Variants in ZNF131 observed in about 807,000 individuals in gnomAD.
ZNF131 encodes zinc finger and BTB domain containing 35.
A neutral mutation model predicts 60.0 loss-of-function variants in ZNF131; 7 were observed. That is an observed-to-expected ratio of 0.12 (90% CI 0.07 to 0.22). The LOEUF is 0.22. ZNF131 is among the 10% of genes least tolerant of loss of function. The pLI, the probability that ZNF131 is intolerant of heterozygous loss-of-function variation, is 1.00. For missense variants in ZNF131, 493 were observed against 740.9 expected (o/e 0.67, Z 3.88); for synonymous variants, 257 against 253.2 (o/e 1.01, Z -0.14).
At chr5:43,121,909 C>A in intron 1 of ZNF131, 130 bp from the exon 2 acceptor site, 1 of 1,044,802 alleles carries the variant, frequency 9.6e-7, no homozygotes, top group African/African-American at 1.7e-5. Flanking sequence ...CCTCGCCTTT[C>A]TCTCCTCTTG....
chr5:43,174,355 C>A, intron 6 of ZNF131, 92 bp from the exon 7 acceptor site: 1 of 1,155,676 alleles, frequency 8.7e-7, no homozygotes, highest in Non-Finnish European at 1.2e-6. Context: ...CAGAATAAGC[C>A]TTCAATCTTT....
At chr5:43,121,982 G>A (rs1279420124) in intron 1 of ZNF131, 57 bp from the exon 2 acceptor site, 4 of 1,564,774 alleles carry the variant, frequency 2.6e-6, no homozygotes, top group Non-Finnish European at 3.5e-6. Flanking sequence ...ATGCTTTAGG[G>A]GTTTTGTTCC....
chr5:43,123,370 C>T, intron 3 of ZNF131, 60 bp downstream of exon 3: 11 of 1,412,710 alleles, frequency 7.8e-6, no homozygotes. Context: ...TATTTAAATG[C>T]TTGTTTTAAA....
chr5:43,174,930 A>G lies in ZNF131; in HGVS notation c.1669A>G (p.Thr557Ala), dbSNP rs1751411745. Residue 557 changes from threonine (T) to alanine (A), a missense_variant, in exon 7 of 7, where the codon ACT becomes GCT. By Grantham distance (58) the Thr-to-Ala change is moderately conservative. Coordinates refer to ENST00000682664, the MANE Select transcript of ZNF131 (RefSeq NM_001330707.2). ...RVNQMPVEVQ[T>A]ELLEADLDHV... is the part of the protein sequence containing the mutation. Reference sequence around the variant, plus strand: ...CAATCAAATGCCAGTGGAAGTACAAACTGAACTTCTAGAAGCAGATTTGGA... The same window carrying G: ...CAATCAAATGCCAGTGGAAGTACAAGCTGAACTTCTAGAAGCAGATTTGGA... 6.2e-7 allele frequency: 1 copy of G among 1,614,172 alleles called. No individual in the cohort carries two copies. The highest frequency in any genetic ancestry group is 8.5e-7 in the Non-Finnish European group (1 of 1,180,034).
At chr5:43,122,338 C>T (rs1292522051) in intron 2 of ZNF131, among the ~76,000 whole-genome samples, 161 bp downstream of exon 2, 127 of 148,930 alleles carry the variant, frequency 8.5e-4, no homozygotes, top group Non-Finnish European at 3.5e-4. Flanking sequence ...TTGCACTTGT[C>T]AGTGTCCACT....
chr5:43,147,712 C>T (rs1040313042), intron 4 of ZNF131, among the ~76,000 whole-genome samples: 4 of 149,466 alleles, frequency 2.7e-5, no homozygotes, highest in South Asian at 2.1e-4. Context: ...TGAGCCACCG[C>T]GCCCGGCCAG....
chr5:43,167,881 A>G (rs1320537043), intron 5 of ZNF131: 1 of 432,832 alleles, frequency 2.3e-6, no homozygotes, highest in Non-Finnish European at 4.6e-6. Context: ...GCTTATAACA[A>G]TACCTGAAAC....
intron 5 of ZNF131, among the ~76,000 whole-genome samples, chr5:43,162,969 C>CCTTTTTTTTTTT (rs1307807115): frequency 1.5e-5 from 1 of 64,908 alleles, no homozygotes; most frequent in African/African-American, 5.1e-5. Flanking sequence ...TTTTATTTGC[C>CCTTTTTTTTTTT]TTTTTTTTTT....
chr5:43,129,325 G>A (rs28394528), intron 3 of ZNF131, among the ~76,000 whole-genome samples: 8,984 of 152,100 alleles, frequency 0.059, 509 homozygotes, highest in African/African-American at 0.15. Flanking sequence ...TCCTGCCTTG[G>A]CCTCCCATAG....
rs554955476 is a variant in ZNF131 at position 43,158,481 on chromosome 5, G to A, written c.372-2768G>A. 9.9e-5 allele frequency among the ~76,000 whole-genome samples: 15 copies of A among 151,684 alleles called. No homozygotes were observed. In the East Asian group the frequency reaches 2.5e-3, roughly 25 times the overall value. The stretch of plus-strand genomic sequence containing the variant: ...ATTTTTGTATTTTTAGTAGAGATGG[G>A]GTTTCTCTATGTTGGTCAGGCTGGT... On this transcript the variant is annotated intron_variant, in intron 4 of 6. Coordinates refer to ENST00000682664, the MANE Select transcript of ZNF131 (RefSeq NM_001330707.2).
At chr5:43,151,606 T>C (rs1156254009) in intron 4 of ZNF131, among the ~76,000 whole-genome samples, 1 of 152,092 alleles carries the variant, frequency 6.6e-6, no homozygotes, top group Admixed American at 6.6e-5. Context: ...TGCTAATTTT[T>C]GTATTTTTGG....
At chr5:43,166,699 A>G (rs1197139244) in intron 5 of ZNF131, among the ~76,000 whole-genome samples, 5 of 151,416 alleles carry the variant, frequency 3.3e-5, no homozygotes. Flanking sequence ...TCTGTCGCCC[A>G]GACTGGAGTG....
intron 4 of ZNF131, chr5:43,143,313 GC>G: frequency 8.4e-7 from 1 of 1,188,704 alleles, no homozygotes; most frequent in South Asian, 3.0e-5. Flanking sequence ...GAGTCACTGC[GC>G]CCGGCCTCAA....
chr5:43,147,309 A>G (rs1747722670), intron 4 of ZNF131, among the ~76,000 whole-genome samples: 2 of 152,048 alleles, frequency 1.3e-5, no homozygotes, highest in Non-Finnish European at 2.9e-5. Flanking sequence ...CATTTCTCTT[A>G]GTAAACATCT....
At chr5:43,169,446 C>T (rs1213204203) in intron 5 of ZNF131, among the ~76,000 whole-genome samples, 16 of 152,188 alleles carry the variant, frequency 1.1e-4, no homozygotes, top group Admixed American at 1.0e-3. Context: ...TCTGATTTAT[C>T]AGATACATTC....
intron 3 of ZNF131, among the ~76,000 whole-genome samples, chr5:43,134,106 T>A (rs1745709490): frequency 6.6e-6 from 1 of 152,096 alleles, no homozygotes; most frequent in Non-Finnish European, 1.5e-5. Context: ...CCTTGATGAA[T>A]ATAGATGCAA....
At chr5:43,172,446 C>A (rs1751109192) in intron 5 of ZNF131, among the ~76,000 whole-genome samples, 1 of 152,148 alleles carries the variant, frequency 6.6e-6, no homozygotes, top group Admixed American at 6.6e-5. Flanking sequence ...CATGGTGAAA[C>A]CCCGTCTATA....
intron 4 of ZNF131, among the ~76,000 whole-genome samples, chr5:43,144,921 C>G (rs1747385319): frequency 6.6e-6 from 1 of 151,794 alleles, no homozygotes; most frequent in South Asian, 2.1e-4. Context: ...ACAACCTGTT[C>G]TCTGAAGCTT....
At chr5:43,150,779 AAAAC>A (rs1462775378) in intron 4 of ZNF131, among the ~76,000 whole-genome samples, 1 of 152,072 alleles carries the variant, frequency 6.6e-6, no homozygotes, top group African/African-American at 2.4e-5. Flanking sequence ...CTCTGTCCCA[AAAAC>A]AAACAAAAAA....
Sources: gnomAD v4.1 joint callset for allele counts (sites outside exome capture counted in the v4.1 genomes callset) on GRCh38, gnomAD v4.1.1 for gene constraint, MANE v1.5 for transcripts, NCBI Gene and HGNC (gene_info 2026-07-23, HGNC 2026-07-21) for gene names.